PTPRD: variants seen among roughly 807,000 people sequenced by gnomAD.
PTPRD encodes the protein receptor-type tyrosine-protein phosphatase delta.
In PTPRD, 34 loss-of-function variants were observed where a neutral mutation model predicts 214.5. The ratio of observed to expected loss-of-function variants is 0.16; its 90% CI spans 0.12 to 0.21. PTPRD has a LOEUF of 0.21. Ranked by LOEUF, PTPRD falls within the 10% of genes least tolerant of loss-of-function variation. The pLI is 1.00. For synonymous variants in PTPRD, 1,128 were observed against 845.7 expected (o/e 1.33, Z -5.79); for missense variants, 2,545 against 2,398.7 (o/e 1.06, Z -1.27).
At chr9:9,999,388 G>T (rs2096253851) in intron 4 of PTPRD, among the ~76,000 whole-genome samples, 1 of 152,184 alleles carries the variant, frequency 6.6e-6, no homozygotes, top group Non-Finnish European at 1.5e-5. Flanking sequence ...ATCTTACTCA[G>T]TCCCACTGCT....
In PTPRD at chr9:8,765,228, C is replaced by T. The variant is rs2094640661; in HGVS notation, c.-103-31282G>A. Among the ~76,000 whole-genome samples the T allele has an allele frequency of 1.3e-5, 2 of 152,170 alleles. 1 individual carries two copies. The highest frequency in any genetic ancestry group is 4.1e-4 in the South Asian group (2 of 4,826). On this transcript the variant is annotated intron_variant, in intron 11 of 45. Transcript: ENST00000381196. ...TCCCCTCAAAAGATGGAGCATAATT[C>T]CACTCCCCTTGACTGTGGGCTAGAC...
intron 2 of PTPRD, among the ~76,000 whole-genome samples, chr9:10,399,539 A>G (rs888383928): frequency 1.3e-5 from 2 of 151,984 alleles, no homozygotes; most frequent in Non-Finnish European, 2.9e-5. Flanking sequence ...TAGTTTTAAG[A>G]GGCTTCATGA....
chr9:9,055,286 G>A (rs768217741), intron 10 of PTPRD, among the ~76,000 whole-genome samples: 5 of 152,066 alleles, frequency 3.3e-5, no homozygotes, highest in Non-Finnish European at 7.4e-5. Flanking sequence ...AATACTGAGA[G>A]TGGATATAAA....
intron 7 of PTPRD, among the ~76,000 whole-genome samples, chr9:9,681,546 C>T (rs142071750): frequency 2.5e-4 from 38 of 151,806 alleles, no homozygotes; most frequent in African/African-American, 9.2e-4. Flanking sequence ...TATGACCCCA[C>T]CTATCAGGCC....
chr9:10,451,818 A>G (rs564722869), intron 2 of PTPRD, among the ~76,000 whole-genome samples: 2 of 151,976 alleles, frequency 1.3e-5, no homozygotes, highest in South Asian at 4.1e-4. Context: ...TCCTTCTAAA[A>G]CTATCTGAAC....
chr9:10,233,364 G>C (rs941805383), intron 3 of PTPRD, among the ~76,000 whole-genome samples: 4 of 151,954 alleles, frequency 2.6e-5, no homozygotes, highest in Admixed American at 6.6e-5. Flanking sequence ...CTCTGAGACA[G>C]CATTATGGAA....
In PTPRD at chr9:8,571,688, T is replaced by C. The variant is rs145231620; in HGVS notation, c.353-42909A>G. On this transcript the variant is annotated intron_variant, in intron 14 of 45. Coordinates refer to ENST00000381196, the MANE Select transcript of PTPRD (RefSeq NM_002839.4). ...AGAAAAACAATATTTAATAAATAGATAGTGTAAGTGGGTTCTTCCATTTGT... is the reference window on the plus strand; with the variant it reads ...AGAAAAACAATATTTAATAAATAGACAGTGTAAGTGGGTTCTTCCATTTGT... 5.1e-3 allele frequency among the ~76,000 whole-genome samples: 775 copies of C among 152,258 alleles called. 6 individuals are homozygous for C. The highest frequency in any genetic ancestry group is 0.017 in the African/African-American group (725 of 41,562).
chr9:9,947,805 A>G (rs2092983764), intron 4 of PTPRD, among the ~76,000 whole-genome samples: 1 of 148,976 alleles, frequency 6.7e-6, no homozygotes, highest in South Asian at 2.1e-4. Context: ...AAAAATCCAT[A>G]AAGAGATTCA....
At chr9:9,119,148 G>A (rs909710102) in intron 10 of PTPRD, among the ~76,000 whole-genome samples, 2 of 152,208 alleles carry the variant, frequency 1.3e-5, no homozygotes, top group Non-Finnish European at 2.9e-5. Flanking sequence ...CTGCAGAAGT[G>A]AAGTGAATTG....
At chr9:10,348,303 C>G (rs1488996204) in intron 2 of PTPRD, among the ~76,000 whole-genome samples, 7 of 152,128 alleles carry the variant, frequency 4.6e-5, no homozygotes, top group Admixed American at 4.6e-4. Flanking sequence ...GATCTACTTT[C>G]TCAATATGAA....
intron 2 of PTPRD, among the ~76,000 whole-genome samples, chr9:10,542,871 A>G (rs1227743636): frequency 6.6e-6 from 1 of 151,962 alleles, no homozygotes; most frequent in Non-Finnish European, 1.5e-5. Context: ...GACATGCACT[A>G]CCACGCCAGG....
chr9:9,298,179 A>C (rs1388929984), intron 9 of PTPRD, among the ~76,000 whole-genome samples: 1 of 151,660 alleles, frequency 6.6e-6, no homozygotes, highest in Non-Finnish European at 1.5e-5. Flanking sequence ...TGATAAATTT[A>C]GTATGAAACA....
intron 10 of PTPRD, among the ~76,000 whole-genome samples, chr9:9,056,867 A>C (rs10977458): frequency 0.19 from 28,183 of 152,188 alleles, 2,912 homozygotes; most frequent in African/African-American, 0.27. Flanking sequence ...CATATTAGGG[A>C]TAGAAAAAAG....
intron 3 of PTPRD, among the ~76,000 whole-genome samples, chr9:10,151,536 C>T (rs571419440): frequency 1.3e-5 from 2 of 152,182 alleles, no homozygotes; most frequent in East Asian, 1.9e-4. Context: ...GCTGGGATTA[C>T]AGGAGTGAGC....
chr9:10,157,784 T>C (rs1180341392), intron 3 of PTPRD, among the ~76,000 whole-genome samples: 1 of 152,156 alleles, frequency 6.6e-6, no homozygotes, highest in Admixed American at 6.6e-5. Flanking sequence ...AAATGAATCA[T>C]AGATTTGACC....
intron 6 of PTPRD, among the ~76,000 whole-genome samples, chr9:9,741,686 A>G (rs753308715): frequency 4.6e-5 from 7 of 152,134 alleles, no homozygotes; most frequent in East Asian, 1.9e-4. Context: ...GTTCCCACCT[A>G]TGAGTGAGAA....
intron 23 of PTPRD, among the ~76,000 whole-genome samples, chr9:8,502,413 T>C (rs1014837308): frequency 2.6e-5 from 4 of 152,102 alleles, no homozygotes; most frequent in Admixed American, 2.0e-4. Flanking sequence ...GTGTATCCAA[T>C]TGTTCAGGGG....
At chr9:9,005,609 T>C (rs1288060464) in intron 11 of PTPRD, among the ~76,000 whole-genome samples, 1 of 152,020 alleles carries the variant, frequency 6.6e-6, no homozygotes, top group Non-Finnish European at 1.5e-5. Context: ...AACCTAAGTA[T>C]AAGAAGACTA....
chr9:9,598,685 A>C (rs1265726727), intron 7 of PTPRD, among the ~76,000 whole-genome samples: 1 of 151,952 alleles, frequency 6.6e-6, no homozygotes, highest in Non-Finnish European at 1.5e-5. Flanking sequence ...CTATTTTTTC[A>C]CAGTATTAAA....
Sources: gnomAD v4.1 joint callset for allele counts (sites outside exome capture counted in the v4.1 genomes callset) on GRCh38, gnomAD v4.1.1 for gene constraint, MANE v1.5 for transcripts, NCBI Gene and HGNC (gene_info 2026-07-23, HGNC 2026-07-21) for gene names.